Variants in WIZ observed in about 807,000 individuals in gnomAD.
WIZ encodes the protein WIZ zinc finger, also known as protein Wiz.
A neutral mutation model predicts 140.2 loss-of-function variants in WIZ; 25 were observed. The ratio of observed to expected loss-of-function variants is 0.18; its 90% CI spans 0.13 to 0.25. The LOEUF (loss-of-function observed/expected upper bound fraction) is 0.25, where lower values mean the gene tolerates loss of function less well. Among genes scored for constraint, WIZ ranks in the 10% least tolerant of loss-of-function variants. WIZ has a pLI of 1.00. For missense variants in WIZ, 2,231 were observed against 2,632.6 expected, an observed-to-expected ratio of 0.85 and a Z score of 3.34; for synonymous variants, 1,125 against 1,154.3, an observed-to-expected ratio of 0.97 and a Z score of 0.51.
Position 15,442,427 on chromosome 19 carries a change from C to G in WIZ, c.278+249G>C, listed in dbSNP as rs1969777465. Among the ~76,000 whole-genome samples, 1 of 152,178 alleles carries G rather than the reference C, an allele frequency of 6.6e-6. No homozygotes were observed. Among genetic ancestry groups the G allele is most frequent in the African/African-American group, 2.4e-5 (1 of 41,442 alleles). Reference sequence around the variant, plus strand: ...AGAGAGGACTTGAAGGGTCCAACATCCAGGCTCCTGCCCCTCTGGCCCTGC... The same window carrying G: ...AGAGAGGACTTGAAGGGTCCAACATGCAGGCTCCTGCCCCTCTGGCCCTGC... On this transcript the variant is annotated intron_variant, in intron 3 of 12. Coordinates refer to ENST00000673675, the MANE Select transcript of WIZ (RefSeq NM_001371589.1). The surrounding 1 kb of genome is among the most constrained non-coding windows in gnomAD (Gnocchi z 5.5).
intron 6 of WIZ, 82 bp from the exon 7 acceptor site, chr19:15,430,171 C>T (rs748810258): frequency 2.8e-6 from 4 of 1,434,600 alleles, no homozygotes; most frequent in Non-Finnish European, 3.6e-6. Context: ...CTGAGAGTCC[C>T]ACTCACCCAG....
chr19:15,426,643 G>A (rs1010107412), intron 9 of WIZ, among the ~76,000 whole-genome samples: 39 of 152,184 alleles, frequency 2.6e-4, no homozygotes, highest in African/African-American at 8.7e-4. Flanking sequence ...CAGTCCCTAC[G>A]CTCCTGCTGT....
chr19:15,448,582 C>T (rs1317378351), intron 1 of WIZ, among the ~76,000 whole-genome samples: 1 of 152,008 alleles, frequency 6.6e-6, no homozygotes, highest in Non-Finnish European at 1.5e-5. Context: ...TCAATAACTC[C>T]TCCCCTTTAT....
intron 1 of WIZ, 95 bp from the exon 2 acceptor site, chr19:15,448,462 C>T (rs1599720992): frequency 3.2e-6 from 3 of 926,240 alleles, no homozygotes; most frequent in Non-Finnish European, 4.9e-6. Context: ...AACTTTGCAG[C>T]TCACTGCCTC....
intron 2 of WIZ, among the ~76,000 whole-genome samples, chr19:15,447,243 G>A (rs1008417165): frequency 2.0e-5 from 3 of 152,108 alleles, no homozygotes; most frequent in African/African-American, 4.8e-5. Flanking sequence ...CCTTGGACAC[G>A]TCAGGCTCCT....
intron 5 of WIZ, chr19:15,432,493 CGCGGCGGCGGTG>C: frequency 3.1e-6 from 3 of 967,056 alleles, no homozygotes; most frequent in Non-Finnish European, 3.7e-6. Context: ...GGGCCCGTCC[CGCGGCGGCGGTG>C]GCGGTGGCGG....
intron 3 of WIZ, among the ~76,000 whole-genome samples, chr19:15,441,990 C>T (rs879312854): frequency 6.6e-6 from 1 of 152,058 alleles, no homozygotes; most frequent in Non-Finnish European, 1.5e-5. Context: ...AGTTCTCGAC[C>T]AGCCTGACCA....
intron 2 of WIZ, among the ~76,000 whole-genome samples, chr19:15,447,886 C>A (rs1969973206): frequency 6.6e-6 from 1 of 152,164 alleles, no homozygotes; most frequent in African/African-American, 2.4e-5. Flanking sequence ...AGCTCCATAC[C>A]ACCCAGTGGG....
Position 15,421,902 on chromosome 19 carries a change from T to C in WIZ, c.*1174A>G, listed in dbSNP as rs1289528822. On this transcript the variant is annotated 3_prime_UTR_variant, in exon 13 of 13. Coordinates refer to ENST00000673675, the MANE Select transcript of WIZ (RefSeq NM_001371589.1). ...CCAGCCAGAGACCCCCTCCCAGCCA[T>C]GGCCTAAAGAGCCAACAGCTGGGAA... 2 of 152,228 alleles carry C rather than the reference T, an allele frequency of 1.3e-5. No homozygotes were observed. The highest frequency in any genetic ancestry group is 1.3e-4 in the Admixed American group (2 of 15,290). The allele number at this position is 152,228 out of a possible 1,614,324, so 9.4% of individuals were successfully genotyped here. A position where few individuals can be genotyped will look rare whatever the true frequency, so the allele number is the denominator to read the frequency against.
At chr19:15,445,854 T>C (rs1257220592) in intron 2 of WIZ, among the ~76,000 whole-genome samples, 1 of 151,836 alleles carries the variant, frequency 6.6e-6, no homozygotes, top group Non-Finnish European at 1.5e-5. Context: ...CACTCCAGTG[T>C]GCTCTTGGGG....
chr19:15,423,131 G>T lies in WIZ; in HGVS notation c.5615C>A (p.Pro1872Gln), dbSNP rs374817237. The change falls in exon 13 of 13, where the codon CCA becomes CAA. Residue 1872 changes from proline (P) to glutamine (Q), a missense_variant. Physicochemically the swap from Pro to Gln is moderately conservative, Grantham distance 76. Transcript: ENST00000673675. Reference sequence around the variant, plus strand: ...CTGCGGGGCCTGGGACTCCTCAGGTGGGGGGTCCGCTTTGGAGAAGTTCAT... The same window carrying T: ...CTGCGGGGCCTGGGACTCCTCAGGTTGGGGGTCCGCTTTGGAGAAGTTCAT... The part of the protein sequence containing the change: ...LEMNFSKADP[P>Q]PEESQAPQAQ... The T allele has an allele frequency of 1.6e-5, 25 of 1,612,638 alleles. No individual in the cohort carries two copies. The Middle Eastern group carries it at 5.9e-4, about 38-fold the overall frequency.
chr19:15,439,096 T>A lies in WIZ; in HGVS notation c.1898A>T (p.Asp633Val). Residue 633 changes from aspartate (D) to valine (V), a missense_variant, in exon 4 of 13, where the codon GAT (aspartate) becomes GTT (valine). This residue lies in a region of WIZ where 475 missense variants were observed against 520.2 expected (regional missense o/e 0.91). Coordinates refer to ENST00000673675, the MANE Select transcript of WIZ (RefSeq NM_001371589.1). The surrounding 1 kb of genome is among the most constrained non-coding windows in gnomAD (Gnocchi z 7.0). Reference protein sequence around the residue: ...EEDVVLTSEMDFSPENGVFSP... With the variant: ...EEDVVLTSEMVFSPENGVFSP... ...AAAGACCCCATTTTCAGGGGAAAAA[T>A]CCATCTCGGAGGTCAGCACTACATC... 1 of 1,486,030 alleles carries A rather than the reference T, an allele frequency of 6.7e-7. No individual in the cohort carries two copies. The highest frequency in any genetic ancestry group is 8.9e-7 in the Non-Finnish European group (1 of 1,120,272). The allele number at this position is 1,486,030 out of a possible 1,614,324, so 92.1% of individuals were successfully genotyped here.
chr19:15,440,798 C>T lies in WIZ; in HGVS notation c.279-83G>A, dbSNP rs1043949729. ...GGTGGTGATGGGGGTCCTCCCAGGCCGTTTGAAGCAGGCCCCGGAGATCCA... is the reference window on the plus strand; with the variant it reads ...GGTGGTGATGGGGGTCCTCCCAGGCTGTTTGAAGCAGGCCCCGGAGATCCA... On this transcript the variant is annotated intron_variant, in intron 3 of 12. Coordinates refer to ENST00000673675, the MANE Select transcript of WIZ (RefSeq NM_001371589.1). This position sits in a 1 kb window ranked among gnomAD's most constrained non-coding sequence, Gnocchi z 6.2. The T allele has an allele frequency of 2.1e-5, 28 of 1,329,818 alleles. No individual in the cohort carries two copies. In the African/African-American group the frequency reaches 2.5e-4, roughly 12 times the overall value. The allele number at this position is 1,329,818 out of a possible 1,614,324, so 82.4% of individuals were successfully genotyped here. A position where few individuals can be genotyped will look rare whatever the true frequency, so the allele number is the denominator to read the frequency against.
At position 15,428,877 on chromosome 19, in the gene WIZ, C is replaced by T. The variant is rs767160337; in HGVS notation, c.3416-369G>A. ...GCTCAAGGCCCTGCCCCTGGAAGCA[C>T]GGCAGACTCAGTGGAAGCAACTTCA... On this transcript the variant is annotated intron_variant, in intron 7 of 12. Coordinates refer to ENST00000673675, the MANE Select transcript of WIZ (RefSeq NM_001371589.1). The surrounding 1 kb of genome is among the most constrained non-coding windows in gnomAD (Gnocchi z 6.4). Among the ~76,000 whole-genome samples, 15 of 152,142 alleles carry T rather than the reference C, an allele frequency of 9.9e-5. No individual in the cohort carries two copies. The highest frequency in any genetic ancestry group is 2.1e-4 in the South Asian group (1 of 4,832).
Position 15,436,983 on chromosome 19 carries a change from TG to T in WIZ, c.2562del (p.Ile855SerfsTer32). Reference sequence around the variant, plus strand: ...GCCAGCAGCTCCTGCAGGATGTTGATGGGTGAGACAGTGAGCTCCCAGTTGG... The same window carrying T: ...GCCAGCAGCTCCTGCAGGATGTTGATGGTGAGACAGTGAGCTCCCAGTTGG... ...GITNWELTVS[P>X]INILQELLAT... On this transcript the variant is annotated frameshift_variant, in exon 5 of 13. Coordinates refer to ENST00000673675, the MANE Select transcript of WIZ (RefSeq NM_001371589.1). LOFTEE classifies it high-confidence loss of function. The T allele has an allele frequency of 6.2e-7, 1 of 1,613,712 alleles. No homozygotes were observed. Among genetic ancestry groups the T allele is most frequent in the Non-Finnish European group, 8.5e-7 (1 of 1,179,786 alleles).
In WIZ at chr19:15,428,354, G is replaced by T; in HGVS notation, c.3570C>A (p.His1190Gln). 1 of 1,535,350 alleles carries T rather than the reference G, an allele frequency of 6.5e-7. No individual in the cohort carries two copies. Among genetic ancestry groups the T allele is most frequent in the Non-Finnish European group, 8.7e-7 (1 of 1,146,660 alleles). ...GGACGCCGTCCCTCCTGATGAGCCC[G>T]TGGAGCACGTCTATGGGGGATCCCT... Reference protein sequence around the residue: ...DAKGSPIDVLHGLIRRDGVQI... With the variant: ...DAKGSPIDVLQGLIRRDGVQI... The change falls in exon 8 of 13, where the codon CAC becomes CAA. Residue 1190 changes from histidine to glutamine, a missense_variant. By Grantham distance (24) the His-to-Gln change is conservative. This residue lies in a region of WIZ where 141 missense variants were observed against 161.2 expected (regional missense o/e 0.87). Coordinates refer to ENST00000673675, the MANE Select transcript of WIZ (RefSeq NM_001371589.1). This position sits in a 1 kb window ranked among gnomAD's most constrained non-coding sequence, Gnocchi z 6.4.
In WIZ at chr19:15,437,093, C is replaced by G. The variant is rs1279747821; in HGVS notation, c.2453G>C (p.Arg818Pro). ...NFDPGTFSLM[R>P]CDFCGAGFDT... The stretch of plus-strand genomic sequence containing the variant: ...GAAGCCAGCCCCGCAGAAGTCACAG[C>G]GCATCAGGCTGAAGGTGCCTGGGTC... The change falls in exon 5 of 13, where the codon CGC becomes CCC. Residue 818 changes from arginine to proline, a missense_variant. Around this residue, in one of 15 missense-constraint regions of WIZ, gnomAD observed 118 missense variants for 209.1 expected, o/e 0.56. Coordinates refer to ENST00000673675, the MANE Select transcript of WIZ (RefSeq NM_001371589.1). The G allele has an allele frequency of 1.9e-6, 3 of 1,611,082 alleles. No individual in the cohort carries two copies. The highest frequency in any genetic ancestry group is 2.5e-6 in the Non-Finnish European group (3 of 1,178,810).
chr19:15,425,816 G>GAA (rs1968740428), intron 9 of WIZ, 48 bp from the exon 10 acceptor site: 3 of 25,380 alleles, frequency 1.2e-4, no homozygotes, highest in Admixed American at 1.2e-3. Context: ...AGGAGGAGGA[G>GAA]GGAGGAGGAG....
In WIZ at chr19:15,428,463, C is replaced by T; in HGVS notation, c.3461G>A (p.Gly1154Asp). The change falls in exon 8 of 13, where the codon GGT (glycine) becomes GAT (aspartate). Residue 1154 changes from glycine (G) to aspartate (D), a missense_variant. Transcript: ENST00000673675. This position sits in a 1 kb window ranked among gnomAD's most constrained non-coding sequence, Gnocchi z 6.4. ...GGRELDCQLC[G>D]AWFETRKGLS... The stretch of plus-strand genomic sequence containing the variant: ...GCCCTTGCGGGTCTCAAACCAGGCA[C>T]CGCACAGCTGGCAGTCCAGCTCTCT... 1 of 1,535,626 alleles carries T rather than the reference C, an allele frequency of 6.5e-7. No homozygotes were observed. The highest frequency in any genetic ancestry group is 1.2e-5 in the South Asian group (1 of 84,060).
Sources: gnomAD v4.1 joint callset for allele counts (sites outside exome capture counted in the v4.1 genomes callset) on GRCh38, gnomAD v4.1.1 for gene constraint, gnomAD v4.1.1 regional missense constraint, Gnocchi (gnomAD v3.1) non-coding constraint, MANE v1.5 for transcripts, NCBI Gene and HGNC (gene_info 2026-07-23, HGNC 2026-07-21) for gene names.